PTPRJ: variants seen among roughly 807,000 people sequenced by gnomAD.
PTPRJ encodes protein tyrosine phosphatase receptor type J, also known as receptor-type tyrosine-protein phosphatase eta.
PTPRJ carries 129 observed loss-of-function variants against 141.3 expected under a neutral mutation model. That is an observed-to-expected ratio of 0.91 (90% CI 0.79 to 1.06). PTPRJ has a LOEUF of 1.06. Ranked by LOEUF, PTPRJ falls within the 50% of genes least tolerant of loss-of-function variation. The pLI is 0.00. For missense variants in PTPRJ, 1,601 were observed against 1,679.7 expected (o/e 0.95, Z 0.82); for synonymous variants, 610 against 640.5 (o/e 0.95, Z 0.72).
rs927048894 is a variant in PTPRJ, at chr11:48,136,228, A to G, written c.1805A>G (p.Tyr602Cys). 1 of 1,614,090 alleles carries G rather than the reference A, an allele frequency of 6.2e-7. No individual in the cohort carries two copies. The highest frequency in any genetic ancestry group is 8.5e-7 in the Non-Finnish European group (1 of 1,180,046). ...TLQGLIPGTL[Y>C]NITISPEVDH... Reference sequence around the variant, plus strand: ...CAGGGCCTGATTCCGGGCACCTTATATAACATCACCATCTCTCCAGAAGTG... The same window carrying G: ...CAGGGCCTGATTCCGGGCACCTTATGTAACATCACCATCTCTCCAGAAGTG... Residue 602 changes from tyrosine to cysteine, a missense_variant, in exon 9 of 25, where the codon TAT becomes TGT. Transcript: ENST00000418331.
intron 16 of PTPRJ, chr11:48,149,711 T>C (rs1050298201): frequency 3.7e-6 from 2 of 533,428 alleles, no homozygotes; most frequent in African/African-American, 4.0e-5. Flanking sequence ...TACCAATAAA[T>C]ACGGATTTCT....
At chr11:47,985,849 C>G (rs757107908) in intron 1 of PTPRJ, among the ~76,000 whole-genome samples, 1 of 152,088 alleles carries the variant, frequency 6.6e-6, no homozygotes, top group East Asian at 1.9e-4. Context: ...TACAGACGTG[C>G]GCTACCATGC....
chr11:48,167,384 G>A lies in PTPRJ; in HGVS notation c.*22G>A. ...CTAATTCCAAAGGAATAACCTTTCT[G>A]GAGTGAACCAGACCGTCGCACCCAC... On this transcript the variant is annotated 3_prime_UTR_variant, in exon 25 of 25. Coordinates refer to ENST00000418331, the MANE Select transcript of PTPRJ (RefSeq NM_002843.4). 1 of 1,612,100 alleles carries A rather than the reference G, an allele frequency of 6.2e-7. No individual in the cohort carries two copies. Among genetic ancestry groups the A allele is most frequent in the Non-Finnish European group, 8.5e-7 (1 of 1,178,830 alleles).
intron 18 of PTPRJ, among the ~76,000 whole-genome samples, chr11:48,153,184 A>G (rs1218776991): frequency 1.3e-5 from 2 of 152,164 alleles, no homozygotes; most frequent in South Asian, 2.1e-4. Context: ...CATCTCGCTG[A>G]CTGACTAAAA....
intron 22 of PTPRJ, among the ~76,000 whole-genome samples, chr11:48,162,437 A>G (rs1857808913): frequency 7.2e-6 from 1 of 139,394 alleles, no homozygotes; most frequent in South Asian, 2.3e-4. Context: ...CCCCACCTCC[A>G]TCTCTCACAG....
Position 48,167,523 on chromosome 11 carries a change from C to A in PTPRJ, c.*161C>A. ...GCATGAAGCTGCATATGATAGATGA[C>A]AAATTGGGGCTGTCGGGGGCTGTGG... On this transcript the variant is annotated 3_prime_UTR_variant, in exon 25 of 25. Coordinates refer to ENST00000418331, the MANE Select transcript of PTPRJ (RefSeq NM_002843.4). 1 of 778,806 alleles carries A rather than the reference C, an allele frequency of 1.3e-6. No homozygotes were observed. The highest frequency in any genetic ancestry group is 1.9e-6 in the Non-Finnish European group (1 of 528,242). 48.2% of individuals were successfully genotyped at this position (778,806 alleles called of 1,614,324 possible).
chr11:48,126,817 C>CACACACACAT lies in PTPRJ; in HGVS notation c.1094-960_1094-959insCACACATACA, dbSNP rs1252731987. ...ACACACACACACACACACACACACA[C>CACACACACAT]ACAGATAAACACACATTTCCACCCA... On this transcript the variant is annotated intron_variant, in intron 6 of 24. Coordinates refer to ENST00000418331, the MANE Select transcript of PTPRJ (RefSeq NM_002843.4). Among the ~76,000 whole-genome samples the CACACACACAT allele has an allele frequency of 1.3e-3, 189 of 146,602 alleles. 1 individual carries two copies. The highest frequency in any genetic ancestry group is 4.2e-3 in the African/African-American group (158 of 37,562).
rs190683609 is a variant in PTPRJ, at chr11:48,090,001, G to A, written c.97-20057G>A. 2.6e-3 allele frequency among the ~76,000 whole-genome samples: 394 copies of A among 152,336 alleles called. 1 individual carries two copies. Among genetic ancestry groups the A allele is most frequent in the Non-Finnish European group, 4.3e-3 (294 of 68,026 alleles). ...GTAAGATCCTTAGAGCACTGCTGCC[G>A]GATGGTCATCTCATAGTAGGTATTG... On this transcript the variant is annotated intron_variant, in intron 1 of 24. Transcript: ENST00000418331.
chr11:48,085,930 G>A (rs1310727236), intron 1 of PTPRJ, among the ~76,000 whole-genome samples: 1 of 152,154 alleles, frequency 6.6e-6, no homozygotes, highest in South Asian at 2.1e-4. Flanking sequence ...GTGCTCCTTC[G>A]TTTGCTCATG....
intron 1 of PTPRJ, among the ~76,000 whole-genome samples, chr11:48,087,326 TAAAC>T (rs1161403864): frequency 1.3e-5 from 2 of 152,240 alleles, no homozygotes; most frequent in African/African-American, 2.4e-5. Flanking sequence ...TGAAGCTAAA[TAAAC>T]ATCCTTCAAT....
chr11:48,112,939 C>G lies in PTPRJ; in HGVS notation c.308C>G (p.Ser103Cys). The stretch of plus-strand genomic sequence containing the variant: ...AGTTTAAGAACACCTGAACAAGGAT[C>G]TAATGGGACTGATGGGGCATCTCAA... ...NDSLRTPEQG[S>C]NGTDGASQKT... The change falls in exon 3 of 25, where the codon TCT (serine) becomes TGT (cysteine). Residue 103 changes from serine (S) to cysteine (C), a missense_variant. Transcript: ENST00000418331. 1.9e-6 allele frequency: 3 copies of G among 1,614,198 alleles called. No homozygotes were observed. Among genetic ancestry groups the G allele is most frequent in the Non-Finnish European group, 2.5e-6 (3 of 1,180,034 alleles).
intron 1 of PTPRJ, among the ~76,000 whole-genome samples, chr11:47,997,545 G>A (rs953081617): frequency 6.6e-6 from 1 of 152,250 alleles, no homozygotes; most frequent in East Asian, 1.9e-4. Context: ...TCTAGGTGTC[G>A]AGTTCTTCCC....
At chr11:48,089,932 T>C (rs1462555540) in intron 1 of PTPRJ, among the ~76,000 whole-genome samples, 2 of 152,198 alleles carry the variant, frequency 1.3e-5, no homozygotes, top group Non-Finnish European at 2.9e-5. Context: ...GTAATTATCA[T>C]ATACCCCAAA....
At chr11:48,036,238 G>C (rs1360150286) in intron 1 of PTPRJ, among the ~76,000 whole-genome samples, 2 of 152,196 alleles carry the variant, frequency 1.3e-5, no homozygotes, top group Non-Finnish European at 2.9e-5. Flanking sequence ...GTCTATCTCT[G>C]TTCTGCCCCT....
rs1854414840 is a variant in PTPRJ, at chr11:48,046,902, ATATATATATATTT to A, written c.97-63154_97-63142del. ...ATAATATGTTTACATATATATATAT[ATATATATATATTT>A]TTTTTTTTTTTTTTTTTTGAGATAG... is the stretch of plus-strand genomic sequence containing the variant. On this transcript the variant is annotated intron_variant, in intron 1 of 24. Transcript: ENST00000418331. Among the ~76,000 whole-genome samples the A allele has an allele frequency of 4.6e-5, 4 of 87,340 alleles. 1 individual carries two copies. The highest frequency in any genetic ancestry group is 2.5e-4 in the African/African-American group (4 of 16,324). 57.3% of individuals were successfully genotyped at this position (87,340 alleles called of 152,430 possible).
intron 12 of PTPRJ, 67 bp from the exon 13 acceptor site, chr11:48,144,608 A>G (rs952168684): frequency 3.3e-5 from 41 of 1,251,804 alleles, no homozygotes; most frequent in Non-Finnish European, 4.5e-5. Context: ...CACCATGTAG[A>G]TATGCAGGAG....
chr11:48,014,490 T>C (rs1854900711), intron 1 of PTPRJ: 1 of 152,218 alleles, frequency 6.6e-6, no homozygotes, highest in African/African-American at 2.4e-5. Flanking sequence ...AAAATATTTG[T>C]TGAGCATCTG....
intron 1 of PTPRJ, among the ~76,000 whole-genome samples, chr11:48,047,402 G>T (rs553721048): frequency 1.3e-5 from 2 of 152,158 alleles, no homozygotes; most frequent in African/African-American, 4.8e-5. Flanking sequence ...CAGAGTGAGG[G>T]TCTCTGCCTG....
intron 1 of PTPRJ, among the ~76,000 whole-genome samples, chr11:48,077,760 AC>A (rs1361456144): frequency 6.6e-6 from 1 of 152,094 alleles, no homozygotes; most frequent in Non-Finnish European, 1.5e-5. Context: ...AACCTTCAAG[AC>A]CTGGTTCAAG....
Sources: allele counts gnomAD v4.1 joint callset (sites outside exome capture counted in the v4.1 genomes callset), GRCh38; gene constraint gnomAD v4.1.1; transcripts MANE v1.5; gene names NCBI Gene and HGNC (gene_info 2026-07-23, HGNC 2026-07-21).